P3H2: variants seen among roughly 807,000 people sequenced by gnomAD.
P3H2 encodes the protein prolyl 3-hydroxylase 2, also known as leprecan-like 1.
In P3H2, 80 loss-of-function variants were observed where a neutral mutation model predicts 87.0. The observed-to-expected ratio is 0.92, with a 90% CI of 0.77 to 1.11. The LOEUF (loss-of-function observed/expected upper bound fraction) is 1.11, where lower values mean the gene tolerates loss of function less well. Among genes scored for constraint, P3H2 ranks in the 50% least tolerant of loss-of-function variants. The probability of loss-of-function intolerance (pLI) is 0.00; values close to 1 mark genes in which losing one functional copy is unlikely to be tolerated. For synonymous variants in P3H2, 367 were observed against 359.3 expected (o/e 1.02, Z -0.24); for missense variants, 1,001 against 923.9 (o/e 1.08, Z -1.08).
intron 1 of P3H2, among the ~76,000 whole-genome samples, chr3:190,034,853 CT>C (rs58325211): frequency 2.6e-4 from 36 of 140,250 alleles, no homozygotes; most frequent in African/African-American, 3.2e-4. Context: ...CTTTTCTTTT[CT>C]TTTTTTTTTT....
intron 13 of P3H2, among the ~76,000 whole-genome samples, chr3:189,968,872 TG>T (rs1165835503): frequency 2.8e-4 from 43 of 152,356 alleles, no homozygotes; most frequent in African/African-American, 9.4e-4. Flanking sequence ...TTCATATGTT[TG>T]TTGGCCTCAT....
intron 1 of P3H2, among the ~76,000 whole-genome samples, chr3:190,108,352 G>A (rs1015260304): frequency 3.9e-5 from 6 of 152,020 alleles, no homozygotes; most frequent in African/African-American, 1.2e-4. Context: ...TGTTATATCA[G>A]TAGTAACACA....
chr3:190,063,974 A>T (rs1726414028), intron 1 of P3H2, among the ~76,000 whole-genome samples: 2 of 151,116 alleles, frequency 1.3e-5, no homozygotes, highest in Non-Finnish European at 2.9e-5. Flanking sequence ...CATTTAAGAA[A>T]TCATTTTAGA....
chr3:190,053,533 C>T (rs1245944818), intron 1 of P3H2, among the ~76,000 whole-genome samples: 1 of 150,520 alleles, frequency 6.6e-6, no homozygotes, highest in South Asian at 2.1e-4. Flanking sequence ...TCTCGGCTCA[C>T]TGTAACCTCT....
intron 1 of P3H2, among the ~76,000 whole-genome samples, chr3:190,004,687 C>T (rs1484007200): frequency 6.6e-6 from 1 of 152,166 alleles, no homozygotes; most frequent in Non-Finnish European, 1.5e-5. Flanking sequence ...TGGCCACGAA[C>T]AATAATTTAT....
chr3:190,016,177 T>G (rs1398103422), intron 1 of P3H2, among the ~76,000 whole-genome samples: 2 of 152,234 alleles, frequency 1.3e-5, no homozygotes, highest in Non-Finnish European at 2.9e-5. Flanking sequence ...AATCCTAATT[T>G]GTTTTACCTT....
intron 1 of P3H2, 49 bp downstream of exon 1, chr3:190,120,203 C>G (rs1712484623): frequency 3.8e-6 from 6 of 1,587,196 alleles, no homozygotes; most frequent in Non-Finnish European, 5.1e-6. Context: ...CTCAAGAGAG[C>G]GTGTGAGAGC....
intron 1 of P3H2, among the ~76,000 whole-genome samples, chr3:190,082,862 T>C (rs1253623218): frequency 6.6e-6 from 1 of 152,196 alleles, no homozygotes; most frequent in East Asian, 1.9e-4. Flanking sequence ...TTACCATTAA[T>C]ATGAACAGTA....
intron 1 of P3H2, among the ~76,000 whole-genome samples, chr3:190,096,042 T>C (rs1281086178): frequency 6.6e-6 from 1 of 152,194 alleles, no homozygotes; most frequent in Non-Finnish European, 1.5e-5. Context: ...CTGAAAATCA[T>C]GTAGTCCTTT....
rs770466118 is a variant in P3H2, at chr3:189,986,891, A to G, written c.1099-14T>C. ...CATTGTTAAATCCTAGAGAAAAAGA[A>G]GTAAAGAAAGACATTTTTTATTTAA... On this transcript the variant is annotated splice_polypyrimidine_tract_variant and intron_variant, in intron 5 of 14. Transcript: ENST00000319332. The G allele has an allele frequency of 6.4e-7, 1 of 1,555,204 alleles. No individual in the cohort carries two copies. Among genetic ancestry groups the G allele is most frequent in the Non-Finnish European group, 8.9e-7 (1 of 1,126,546 alleles).
chr3:190,066,141 G>GTGTGTA (rs1422482370), intron 1 of P3H2, among the ~76,000 whole-genome samples: 32 of 103,072 alleles, frequency 3.1e-4, no homozygotes, highest in Non-Finnish European at 5.9e-4. Flanking sequence ...AAACTGTGGT[G>GTGTGTA]TGTATATATA....
chr3:189,988,377 G>C (rs948668251), intron 4 of P3H2, among the ~76,000 whole-genome samples: 34 of 81,864 alleles, frequency 4.2e-4, no homozygotes, highest in African/African-American at 1.1e-3. Context: ...TACAATATAC[G>C]TATGTGTGTA....
At chr3:190,046,355 C>T (rs534637630) in intron 1 of P3H2, among the ~76,000 whole-genome samples, 27 of 152,262 alleles carry the variant, frequency 1.8e-4, no homozygotes, top group African/African-American at 6.3e-4. Flanking sequence ...GGGGTAAGAT[C>T]GACATAATCC....
chr3:190,022,781 C>T (rs1056010782), intron 1 of P3H2, among the ~76,000 whole-genome samples: 4 of 151,956 alleles, frequency 2.6e-5, no homozygotes, highest in African/African-American at 4.8e-5. Context: ...TCCCCTCCTC[C>T]GAAGTTTCCG....
intron 1 of P3H2, among the ~76,000 whole-genome samples, chr3:190,027,183 A>G (rs837764): frequency 0.78 from 119,373 of 152,204 alleles, 46,998 homozygotes; most frequent in East Asian, 0.93. Flanking sequence ...TGCAAACACA[A>G]GCAGTTTGGC....
chr3:189,998,508 T>C (rs1429017536), intron 1 of P3H2, among the ~76,000 whole-genome samples: 1 of 152,170 alleles, frequency 6.6e-6, no homozygotes, highest in South Asian at 2.1e-4. Flanking sequence ...GGTACCACAA[T>C]ATACTCTCAA....
At chr3:189,969,182 C>A in intron 13 of P3H2, 2 of 674,416 alleles carry the variant, frequency 3.0e-6, no homozygotes. Flanking sequence ...AAAACTGCTT[C>A]CTCGTGCTCC....
Position 189,965,241 on chromosome 3 carries a change from A to G in P3H2, c.1894-1143T>C, listed in dbSNP as rs149253432. On this transcript the variant is annotated intron_variant, in intron 13 of 14. Coordinates refer to ENST00000319332, the MANE Select transcript of P3H2 (RefSeq NM_018192.4). ...AGGAAGAATATTTGAAAAATTTCCT[A>G]AAGTCCTTGGTTGCTACATAACATA... Among the ~76,000 whole-genome samples, 416 of 152,332 alleles carry G rather than the reference A, an allele frequency of 2.7e-3. 4 individuals carry two copies. The highest frequency in any genetic ancestry group is 9.4e-3 in the African/African-American group (391 of 41,580).
intron 8 of P3H2, among the ~76,000 whole-genome samples, chr3:189,979,799 TA>T (rs548863734): frequency 2.3e-4 from 33 of 143,564 alleles, no homozygotes; most frequent in Non-Finnish European, 2.3e-4. Flanking sequence ...CCGTCTCTAC[TA>T]AAAAAAAAAA....
Sources: allele counts gnomAD v4.1 joint callset (sites outside exome capture counted in the v4.1 genomes callset), GRCh38; gene constraint gnomAD v4.1.1; transcripts MANE v1.5; gene names NCBI Gene and HGNC (gene_info 2026-07-23, HGNC 2026-07-21).